Variants in LFNG observed in about 807,000 individuals in gnomAD.
The protein encoded by LFNG is beta-1,3-N-acetylglucosaminyltransferase lunatic fringe.
Under a neutral mutation model 32.7 loss-of-function variants are expected in LFNG, and 15 were observed. The ratio of observed to expected loss-of-function variants is 0.46; its 90% CI spans 0.31 to 0.71. LFNG has a LOEUF of 0.71. Ranked by LOEUF, LFNG falls within the 30% of genes least tolerant of loss-of-function variation. The pLI, the probability that LFNG is intolerant of heterozygous loss-of-function variation, is 0.06. For synonymous variants in LFNG, 274 were observed against 246.8 expected (o/e 1.11, Z -1.03); for missense variants, 520 against 545.7 (o/e 0.95, Z 0.47).
rs907087134 is a variant in LFNG at position 2,528,140 on chromosome 7, C to T, written c.*928C>T. On this transcript the variant is annotated 3_prime_UTR_variant, in exon 8 of 8. Coordinates refer to ENST00000222725, the MANE Select transcript of LFNG (RefSeq NM_001040167.2). ...TGGATCAGAAAAAACAGAAGCCAAA[C>T]TCGGGGTCATCTTTGTTTTTAAAGC... 16 of 985,416 alleles carry T rather than the reference C, an allele frequency of 1.6e-5. No homozygotes were observed. Among genetic ancestry groups the T allele is most frequent in the Non-Finnish European group, 1.8e-5 (15 of 829,908 alleles). 61.0% of individuals were successfully genotyped at this position (985,416 alleles called of 1,614,324 possible).
chr7:2,515,859 C>A (rs1256552249), upstream of LFNG, among the ~76,000 whole-genome samples: 1 of 152,228 alleles, frequency 6.6e-6, no homozygotes, highest in Non-Finnish European at 1.5e-5. Context: ...CAGGGCAGTG[C>A]CCACTCCAGC....
rs1779979485 is a variant in LFNG at position 2,526,468 on chromosome 7, G to A, written c.987+59G>A. On this transcript the variant is annotated intron_variant, in intron 6 of 7. Transcript: ENST00000222725. The surrounding 1 kb of genome is among the most constrained non-coding windows in gnomAD (Gnocchi z 6.9). ...AGAGCACAGGAAGGGACGTGTGGCTGCCGAGAGGGGCGCAGTGGGGTGGGG... is the reference window on the plus strand; with the variant it reads ...AGAGCACAGGAAGGGACGTGTGGCTACCGAGAGGGGCGCAGTGGGGTGGGG... 2.5e-6 allele frequency: 4 copies of A among 1,574,194 alleles called. No individual in the cohort carries two copies. Among genetic ancestry groups the A allele is most frequent in the African/African-American group, 2.7e-5 (2 of 74,436 alleles).
downstream of LFNG, chr7:2,528,751 C>T (rs759766872): frequency 1.7e-5 from 11 of 635,094 alleles, no homozygotes; most frequent in Admixed American, 2.3e-4. Context: ...CCTGGTCTGG[C>T]CACTGGGGAG....
chr7:2,526,349 C>T lies in LFNG; in HGVS notation c.927C>T (p.Gly309=), dbSNP rs763070929. 1.9e-6 allele frequency: 3 copies of T among 1,612,170 alleles called. No homozygotes were observed. The highest frequency in any genetic ancestry group is 2.7e-5 in the African/African-American group (2 of 74,930). The change falls in exon 6 of 8, where the codon GGC becomes GGT. Residue 309 remains glycine, a synonymous_variant. Coordinates refer to ENST00000222725, the MANE Select transcript of LFNG (RefSeq NM_001040167.2). The surrounding 1 kb of genome is among the most constrained non-coding windows in gnomAD (Gnocchi z 6.9). ...TGGGTGTGCCCCTCATCCGCAGCGG[C>T]CTCTTCCACTCCCACCTGGAGAACC... ...ALLGVPLIRS[G]LFHSHLENLQ... is the part of the protein sequence containing the mutation.
upstream of LFNG, among the ~76,000 whole-genome samples, chr7:2,517,047 C>G (rs1381145016): frequency 6.6e-6 from 1 of 152,180 alleles, no homozygotes; most frequent in Non-Finnish European, 1.5e-5. Context: ...TCCCCTTTGT[C>G]CTGTCCAGGG....
chr7:2,517,067 A>G (rs185400020), upstream of LFNG, among the ~76,000 whole-genome samples: 27 of 152,140 alleles, frequency 1.8e-4, no homozygotes, highest in East Asian at 5.0e-3. Flanking sequence ...GCTGAGCACC[A>G]TCCCACAGCC....
At chr7:2,519,703 G>A (rs1779726314), upstream of LFNG, 3 of 272,936 alleles carry the variant, frequency 1.1e-5, no homozygotes, top group Middle Eastern at 1.5e-3. Flanking sequence ...CCCGAGCCCG[G>A]GAGCCAATGA....
chr7:2,528,848 G>A (rs1348448876), downstream of LFNG: 5 of 599,074 alleles, frequency 8.3e-6, no homozygotes, highest in Non-Finnish European at 1.5e-5. Context: ...AGCTCACAGA[G>A]TCCACATCAT....
Position 2,528,416 on chromosome 7 carries a change from G to T in LFNG, c.*1204G>T. On this transcript the variant is annotated 3_prime_UTR_variant, in exon 8 of 8. Transcript: ENST00000222725. ...ACGTCCTTTTGCTGTGAATAAAGGT[G>T]CTCTTTGCAGCAATCCTGGGGGTCC... 4.0e-6 allele frequency: 4 copies of T among 989,196 alleles called. No individual in the cohort carries two copies. Among genetic ancestry groups the T allele is most frequent in the Non-Finnish European group, 4.8e-6 (4 of 831,864 alleles). The allele number at this position is 989,196 out of a possible 1,614,324, so 61.3% of individuals were successfully genotyped here.
At chr7:2,517,399 AC>A (rs903773380), upstream of LFNG, among the ~76,000 whole-genome samples, 1 of 151,100 alleles carries the variant, frequency 6.6e-6, no homozygotes, top group African/African-American at 2.4e-5. Context: ...AGACGCGGGA[AC>A]CCCCCCTACC....
upstream of LFNG, among the ~76,000 whole-genome samples, chr7:2,513,879 G>C (rs1039817048): frequency 6.6e-6 from 1 of 152,236 alleles, no homozygotes; most frequent in South Asian, 2.1e-4. Context: ...AGACAGAAGC[G>C]CCAGAAAGAG....
intron 1 of LFNG, among the ~76,000 whole-genome samples, chr7:2,524,091 C>A (rs573898293): frequency 1.3e-4 from 20 of 152,338 alleles, no homozygotes; most frequent in Non-Finnish European, 2.6e-4. Flanking sequence ...GCGCCCCTCT[C>A]CCGCCAGCCC....
chr7:2,512,611 C>T, exon 1 of LFNG: 1 of 1,601,406 alleles, frequency 6.2e-7, no homozygotes, highest in Middle Eastern at 1.7e-4. Flanking sequence ...GCCACCCTCG[C>T]AGCTTCCTCC....
Position 2,526,618 on chromosome 7 carries a change from C to T in LFNG, c.987+209C>T, listed in dbSNP as rs1246325246. Reference sequence around the variant, plus strand: ...GCCGTCTCTTCTCTTCACTGTGATGCGCCTACTGTGCGTATTTTGTCCACG... The same window carrying T: ...GCCGTCTCTTCTCTTCACTGTGATGTGCCTACTGTGCGTATTTTGTCCACG... On this transcript the variant is annotated intron_variant, in intron 6 of 7. Transcript: ENST00000222725. This position sits in a 1 kb window ranked among gnomAD's most constrained non-coding sequence, Gnocchi z 6.9. Among the ~76,000 whole-genome samples the T allele has an allele frequency of 2.0e-5, 3 of 152,254 alleles. No individual in the cohort carries two copies. The highest frequency in any genetic ancestry group is 1.9e-4 in the East Asian group (1 of 5,170).
Position 2,526,973 on chromosome 7 carries a change from A to G in LFNG, c.1073+52A>G, listed in dbSNP as rs1242378201. ...TTGCGTAGGGTGGCCTAGGGGCGTC[A>G]GGGGGCCTCGTGGAGCTGCAGCAGG... is the stretch of plus-strand genomic sequence containing the variant. On this transcript the variant is annotated intron_variant, in intron 7 of 7. Transcript: ENST00000222725. This position sits in a 1 kb window ranked among gnomAD's most constrained non-coding sequence, Gnocchi z 6.9. The G allele has an allele frequency of 5.2e-6, 8 of 1,550,328 alleles. No homozygotes were observed. The highest frequency in any genetic ancestry group is 1.7e-5 in the Admixed American group (1 of 58,818).
Position 2,519,952 on chromosome 7 carries a change from C to T in LFNG, c.91C>T (p.Pro31Ser), listed in dbSNP as rs1779737546. The T allele has an allele frequency of 5.0e-6, 5 of 1,001,582 alleles. No homozygotes were observed. Among genetic ancestry groups the T allele is most frequent in the Non-Finnish European group, 5.9e-6 (5 of 842,382 alleles). 62.0% of individuals were successfully genotyped at this position (1,001,582 alleles called of 1,614,324 possible). ...LLVLTADPPP[P>S]PLPAERGRRA... ...GGTGCTCACCGCCGACCCGCCGCCG[C>T]CTCCACTGCCCGCCGAGCGCGGCCG... is the stretch of plus-strand genomic sequence containing the variant. The change falls in exon 1 of 8, where the codon CCT (proline) becomes TCT (serine). Residue 31 changes from proline (P) to serine (S), a missense_variant. This residue lies in a region of LFNG where 360 missense variants were observed against 354.7 expected (regional missense o/e 1.01). Transcript: ENST00000222725.
At position 2,520,174 on chromosome 7, in the gene LFNG, C is replaced by T; in HGVS notation, c.313C>T (p.Pro105Ser). The change falls in exon 1 of 8, where the codon CCC becomes TCC. Residue 105 changes from proline (P) to serine (S), a missense_variant. Transcript: ENST00000222725. The surrounding 1 kb of genome is among the most constrained non-coding windows in gnomAD (Gnocchi z 5.0). ...APRPADGHPR[P>S]LAEPLAPRDV... ...CCGCCCCGCCGACGGCCACCCGCGC[C>T]CCCTGGCCGAGCCGCTCGCGCCCCG... The T allele has an allele frequency of 6.4e-7, 1 of 1,556,668 alleles. No individual in the cohort carries two copies. Among genetic ancestry groups the T allele is most frequent in the Non-Finnish European group, 8.7e-7 (1 of 1,153,612 alleles).
intron 1 of LFNG, among the ~76,000 whole-genome samples, chr7:2,521,459 G>A (rs1399080780): frequency 6.6e-6 from 1 of 152,236 alleles, no homozygotes; most frequent in Non-Finnish European, 1.5e-5. Context: ...CGAGAAAGGC[G>A]TCGGGCCCCT....
chr7:2,521,196 A>G (rs1200387270), intron 1 of LFNG, among the ~76,000 whole-genome samples: 1 of 151,896 alleles, frequency 6.6e-6, no homozygotes, highest in African/African-American at 2.4e-5. Context: ...GGGTGGGAGC[A>G]GGGCTTGGTG....
Sources: gnomAD v4.1 joint callset for allele counts (sites outside exome capture counted in the v4.1 genomes callset) on GRCh38, gnomAD v4.1.1 for gene constraint, gnomAD v4.1.1 regional missense constraint, Gnocchi (gnomAD v3.1) non-coding constraint, MANE v1.5 for transcripts, NCBI Gene and HGNC (gene_info 2026-07-23, HGNC 2026-07-21) for gene names.